KIRREL3: variants seen among roughly 807,000 people sequenced by gnomAD.
The protein encoded by KIRREL3 is kirre like nephrin family adhesion molecule 3.
Under a neutral mutation model 89.7 loss-of-function variants are expected in KIRREL3, and 36 were observed. The ratio of observed to expected loss-of-function variants is 0.40; its 90% confidence interval spans 0.31 to 0.53. The LOEUF (loss-of-function observed/expected upper bound fraction) is 0.53. KIRREL3 is among the 20% of genes least tolerant of loss of function. The pLI is 0.49. For missense variants in KIRREL3, 864 were observed against 1,056.6 expected (o/e 0.82, Z 2.53); for synonymous variants, 445 against 441.4 (o/e 1.01, Z -0.10).
chr11:126,862,467 C>T (rs769686290), intron 1 of KIRREL3, among the ~76,000 whole-genome samples: 7 of 152,198 alleles, frequency 4.6e-5, no homozygotes, highest in African/African-American at 9.7e-5. Flanking sequence ...GCTTTTCTTC[C>T]GCTGGGTAAA....
Position 126,462,953 on chromosome 11 carries a change from C to T in KIRREL3, c.742+204G>A, listed in dbSNP as rs540746939. On this transcript the variant is annotated intron_variant, in intron 6 of 16. Coordinates refer to ENST00000525144, the MANE Select transcript of KIRREL3 (RefSeq NM_032531.4). This position sits in a 1 kb window ranked among gnomAD's most constrained non-coding sequence, Gnocchi z 4.8. ...AAATGTGGCCTGAAGATGTCCTTTG[C>T]GAAAGACCCTCATCTGTGAGGTTGC... Among the ~76,000 whole-genome samples, 4 of 152,320 alleles carry T rather than the reference C, an allele frequency of 2.6e-5. No individual in the cohort carries two copies. The South Asian group carries it at 8.3e-4, about 32-fold the overall frequency.
At chr11:126,442,929 A>C (rs1565454833) in intron 10 of KIRREL3, among the ~76,000 whole-genome samples, 1 of 152,148 alleles carries the variant, frequency 6.6e-6, no homozygotes, top group Non-Finnish European at 1.5e-5. Flanking sequence ...AGGAGGGGAG[A>C]GAAAGAGACC....
intron 1 of KIRREL3, among the ~76,000 whole-genome samples, chr11:126,745,220 G>A (rs370527499): frequency 2.0e-5 from 3 of 152,144 alleles, no homozygotes; most frequent in Non-Finnish European, 2.9e-5. Context: ...TGTGATACAG[G>A]ATAGCCTCTT....
At chr11:126,799,466 GT>G (rs1184275814) in intron 1 of KIRREL3, among the ~76,000 whole-genome samples, 1 of 149,546 alleles carries the variant, frequency 6.7e-6, no homozygotes, top group African/African-American at 2.4e-5. Flanking sequence ...GTGTGCATGT[GT>G]GTATCTGTGT....
In KIRREL3 at chr11:126,776,108, C is replaced by A. The variant is rs1950162698; in HGVS notation, c.56-213196G>T. On this transcript the variant is annotated intron_variant, in intron 1 of 16. Transcript: ENST00000525144. This position sits in a 1 kb window ranked among gnomAD's most constrained non-coding sequence, Gnocchi z 4.7. Reference sequence around the variant, plus strand: ...GGGGATTGTGGGGTGACCTTCGCTGCAGGGGATCCCTGAGTTTCTGCCAGC... The same window carrying A: ...GGGGATTGTGGGGTGACCTTCGCTGAAGGGGATCCCTGAGTTTCTGCCAGC... Among the ~76,000 whole-genome samples the A allele has an allele frequency of 6.6e-6, 1 of 152,160 alleles. No homozygotes were observed. The highest frequency in any genetic ancestry group is 1.5e-5 in the Non-Finnish European group (1 of 68,028).
At chr11:126,722,775 C>G (rs2134173759) in intron 1 of KIRREL3, among the ~76,000 whole-genome samples, 1 of 152,370 alleles carries the variant, frequency 6.6e-6, no homozygotes, top group South Asian at 2.1e-4. Context: ...TGTCTGTCTT[C>G]TGAATTACTG....
chr11:126,534,513 G>T (rs647185), intron 2 of KIRREL3, among the ~76,000 whole-genome samples: 5 of 151,978 alleles, frequency 3.3e-5, no homozygotes, highest in African/African-American at 9.7e-5. Context: ...GGCTCTGCGG[G>T]GCAGGGTCCC....
In KIRREL3 at chr11:126,615,760, G is replaced by C. The variant is rs1943319018; in HGVS notation, c.56-52848C>G. 6.6e-6 allele frequency among the ~76,000 whole-genome samples: 1 copy of C among 152,210 alleles called. No individual in the cohort carries two copies. The highest frequency in any genetic ancestry group is 1.5e-5 in the Non-Finnish European group (1 of 68,024). ...AGTGAGGTGTTGGCCCGGTCCAGAG[G>C]CAGAGCCTTACTACCTTTGGCTACA... On this transcript the variant is annotated intron_variant, in intron 1 of 16. Transcript: ENST00000525144. The surrounding 1 kb of genome is among the most constrained non-coding windows in gnomAD (Gnocchi z 5.4).
At chr11:126,930,604 A>C (rs978861825) in intron 1 of KIRREL3, among the ~76,000 whole-genome samples, 25 of 152,116 alleles carry the variant, frequency 1.6e-4, no homozygotes, top group Non-Finnish European at 3.2e-4. Context: ...CTGGGCCCTC[A>C]GCTAAGGAAG....
At chr11:126,596,733 G>A (rs1009188350) in intron 1 of KIRREL3, among the ~76,000 whole-genome samples, 6 of 152,146 alleles carry the variant, frequency 3.9e-5, no homozygotes, top group South Asian at 2.1e-4. Flanking sequence ...GCTCACCTAC[G>A]CATCTTGAGC....
chr11:126,955,545 A>T lies in KIRREL3; in HGVS notation c.55+44910T>A, dbSNP rs1359815822. ...CCAGGGTGAAGGTGGTTTGTCCTCCAGTGTGTGTTGGCCAGGGAGACTTCC... is the reference window on the plus strand; with the variant it reads ...CCAGGGTGAAGGTGGTTTGTCCTCCTGTGTGTGTTGGCCAGGGAGACTTCC... On this transcript the variant is annotated intron_variant, in intron 1 of 16. Coordinates refer to ENST00000525144, the MANE Select transcript of KIRREL3 (RefSeq NM_032531.4). The surrounding 1 kb of genome is among the most constrained non-coding windows in gnomAD (Gnocchi z 4.6). 6.6e-6 allele frequency among the ~76,000 whole-genome samples: 1 copy of T among 152,188 alleles called. No homozygotes were observed. Among genetic ancestry groups the T allele is most frequent in the East Asian group, 1.9e-4 (1 of 5,190 alleles).
At chr11:126,842,648 C>T (rs746095854) in intron 1 of KIRREL3, among the ~76,000 whole-genome samples, 5 of 152,134 alleles carry the variant, frequency 3.3e-5, no homozygotes, top group South Asian at 2.1e-4. Flanking sequence ...TTGGCCTACA[C>T]GTGTTGGTTT....
At chr11:126,466,526 G>A (rs1956731258) in intron 5 of KIRREL3, among the ~76,000 whole-genome samples, 1 of 152,234 alleles carries the variant, frequency 6.6e-6, no homozygotes, top group Non-Finnish European at 1.5e-5. Context: ...AGGGCGGGAT[G>A]TGGAGGGGCA....
Position 126,909,578 on chromosome 11 carries a change from C to T in KIRREL3, c.55+90877G>A, listed in dbSNP as rs1946728574. Among the ~76,000 whole-genome samples, 1 of 152,164 alleles carries T rather than the reference C, an allele frequency of 6.6e-6. No homozygotes were observed. The highest frequency in any genetic ancestry group is 2.4e-5 in the African/African-American group (1 of 41,452). ...GGTAATTAACAACCGAGAAAGGGCT[C>T]TGCTGAATGGAGTCGCAACAGCACC... On this transcript the variant is annotated intron_variant, in intron 1 of 16. Transcript: ENST00000525144. This position sits in a 1 kb window ranked among gnomAD's most constrained non-coding sequence, Gnocchi z 4.5.
In KIRREL3 at chr11:126,526,598, C is replaced by A. The variant is rs375403945; in HGVS notation, c.223G>T (p.Asp75Tyr). ...VTLLCAIPEY[D>Y]GFVLWIKDGL... is the part of the protein sequence containing the mutation. Reference sequence around the variant, plus strand: ...TCCTTGATCCACAGAACGAAGCCATCGTATTCGGGGATGGCGCAAAGTAGC... The same window carrying A: ...TCCTTGATCCACAGAACGAAGCCATAGTATTCGGGGATGGCGCAAAGTAGC... The change falls in exon 3 of 17, where the codon GAT (aspartate) becomes TAT (tyrosine). Residue 75 changes from aspartate (D) to tyrosine (Y), a missense_variant. By Grantham distance (160) the Asp-to-Tyr change is radical (BLOSUM62 -3). Coordinates refer to ENST00000525144, the MANE Select transcript of KIRREL3 (RefSeq NM_032531.4). The surrounding 1 kb of genome is among the most constrained non-coding windows in gnomAD (Gnocchi z 5.7). The A allele has an allele frequency of 3.7e-6, 6 of 1,611,050 alleles. No individual in the cohort carries two copies. Among genetic ancestry groups the A allele is most frequent in the African/African-American group, 2.7e-5 (2 of 75,010 alleles).
chr11:126,482,672 GT>G lies in KIRREL3; in HGVS notation c.434-9207del, dbSNP rs1410091289. Among the ~76,000 whole-genome samples the G allele has an allele frequency of 2.0e-5, 3 of 152,182 alleles. No homozygotes were observed. In the East Asian group the frequency reaches 5.8e-4, roughly 29 times the overall value. On this transcript the variant is annotated intron_variant, in intron 4 of 16. Coordinates refer to ENST00000525144, the MANE Select transcript of KIRREL3 (RefSeq NM_032531.4). ...TTAGAAGTCCCAGATTGCCCCCTTG[GT>G]AAAGCAGAGGTCTATGTCCTTTTCC... is the stretch of plus-strand genomic sequence containing the variant.
Position 126,430,837 on chromosome 11 carries a change from T to A in KIRREL3, c.1696+582A>T. 2.9e-6 allele frequency: 1 copy of A among 340,966 alleles called. No homozygotes were observed. Among genetic ancestry groups the A allele is most frequent in the Non-Finnish European group, 4.2e-6 (1 of 238,886 alleles). The allele number at this position is 340,966 out of a possible 1,614,324, so 21.1% of individuals were successfully genotyped here. On this transcript the variant is annotated intron_variant, in intron 14 of 16. Coordinates refer to ENST00000525144, the MANE Select transcript of KIRREL3 (RefSeq NM_032531.4). This position sits in a 1 kb window ranked among gnomAD's most constrained non-coding sequence, Gnocchi z 6.6. ...ACACTGTGTCTCCATTGTCTTCACC[T>A]GTTCTCTGCCATCCAATCTCTCACA...
At chr11:126,974,156 A>G (rs1949505772) in intron 1 of KIRREL3, among the ~76,000 whole-genome samples, 1 of 152,156 alleles carries the variant, frequency 6.6e-6, no homozygotes. Context: ...AAAGCACTTT[A>G]TGCAACATGC....
rs1939275736 is a variant in KIRREL3, at chr11:126,551,687, G to A, written c.133+11148C>T. On this transcript the variant is annotated intron_variant, in intron 2 of 16. Transcript: ENST00000525144. The surrounding 1 kb of genome is among the most constrained non-coding windows in gnomAD (Gnocchi z 4.9). ...TTTTTTTGAGACAGAGTCTCGCTCTGTTTCTCAGGCTGAGTGCAATGGTGT... is the reference window on the plus strand; with the variant it reads ...TTTTTTTGAGACAGAGTCTCGCTCTATTTCTCAGGCTGAGTGCAATGGTGT... Among the ~76,000 whole-genome samples the A allele has an allele frequency of 7.0e-6, 1 of 142,706 alleles. No homozygotes were observed. The highest frequency in any genetic ancestry group is 2.7e-5 in the African/African-American group (1 of 37,014). 93.6% of individuals were successfully genotyped at this position (142,706 alleles called of 152,430 possible). A position where few individuals can be genotyped will look rare whatever the true frequency, so the allele number is the denominator to read the frequency against.
Sources: allele counts gnomAD v4.1 joint callset (sites outside exome capture counted in the v4.1 genomes callset), GRCh38; gene constraint gnomAD v4.1.1; non-coding constraint Gnocchi (gnomAD v3.1); transcripts MANE v1.5; gene names NCBI Gene and HGNC (gene_info 2026-07-23, HGNC 2026-07-21).